Variants in PSMD13 observed in about 807,000 individuals in gnomAD.
The protein encoded by PSMD13 is proteasome 26S subunit, non-ATPase 13.
Under a neutral mutation model 57.4 loss-of-function variants are expected in PSMD13, and 8 were observed. The observed-to-expected ratio is 0.14, with a 90% confidence interval of 0.08 to 0.25. The LOEUF (loss-of-function observed/expected upper bound fraction) is 0.25. Ranked by LOEUF, PSMD13 falls within the 10% of genes least tolerant of loss-of-function variation. The pLI, the probability that PSMD13 is intolerant of heterozygous loss-of-function variation, is 1.00. For missense variants in PSMD13, 400 were observed against 461.5 expected (o/e 0.87, Z 1.22); for synonymous variants, 193 against 168.2 (o/e 1.15, Z -1.14).
At chr11:249,582 G>A (rs1421085918) in intron 9 of PSMD13, among the ~76,000 whole-genome samples, 3 of 94,658 alleles carry the variant, frequency 3.2e-5, no homozygotes, top group African/African-American at 3.2e-5. Flanking sequence ...GGGGGAGAGC[G>A]GCGGGTGCGG....
In PSMD13 at chr11:252,225, T is replaced by C. The variant is rs1859777543; in HGVS notation, c.1036-280T>C. ...ATCAGATACGTTCCTGGTTCTGTGA[T>C]TTGAGCTCACGTCGCTCTTACATTT... On this transcript the variant is annotated intron_variant, in intron 12 of 12. Transcript: ENST00000532097. This position sits in a 1 kb window ranked among gnomAD's most constrained non-coding sequence, Gnocchi z 4.1. 1.9e-6 allele frequency: 1 copy of C among 518,022 alleles called. No homozygotes were observed. The highest frequency in any genetic ancestry group is 3.5e-6 in the Non-Finnish European group (1 of 287,448). 32.1% of individuals were successfully genotyped at this position (518,022 alleles called of 1,614,324 possible). A position where few individuals can be genotyped will look rare whatever the true frequency, so the allele number is the denominator to read the frequency against.
At chr11:248,583 A>C in intron 7 of PSMD13, 193 bp from the exon 8 acceptor site, 1 of 585,562 alleles carries the variant, frequency 1.7e-6, no homozygotes, top group South Asian at 2.3e-5. Context: ...CCTCCCAAAA[A>C]ACCCATGTAT....
Position 247,316 on chromosome 11 carries a change from C to T in PSMD13, c.436C>T (p.Pro146Ser), listed in dbSNP as rs544270286. 4.3e-6 allele frequency: 7 copies of T among 1,613,930 alleles called. No homozygotes were observed. The highest frequency in any genetic ancestry group is 3.3e-5 in the South Asian group (3 of 91,006). The change falls in exon 7 of 13, where the codon CCT (proline) becomes TCT (serine). Residue 146 changes from proline to serine, a missense_variant. Physicochemically the swap from Pro to Ser is moderately conservative, Grantham distance 74 (BLOSUM62 -1). Coordinates refer to ENST00000532097, the MANE Select transcript of PSMD13 (RefSeq NM_002817.4). ...EDVEEMLNNLPGVTSVHSRFY... is the reference protein window; with the variant it reads ...EDVEEMLNNLSGVTSVHSRFY... Reference sequence around the variant, plus strand: ...TGTTGAAGAAATGCTCAACAACCTTCCTGGTGTGACATCGGTTCACAGTCG... The same window carrying T: ...TGTTGAAGAAATGCTCAACAACCTTTCTGGTGTGACATCGGTTCACAGTCG...
intron 1 of PSMD13, among the ~76,000 whole-genome samples, chr11:238,179 C>G (rs1479210149): frequency 6.6e-6 from 1 of 152,174 alleles, no homozygotes; most frequent in Non-Finnish European, 1.5e-5. Context: ...TCATCCTTTT[C>G]ACAGAGGAGG....
chr11:251,532 A>ATT lies in PSMD13; in HGVS notation c.838-14_838-13insTT. 1.2e-6 allele frequency: 2 copies of ATT among 1,600,316 alleles called. No individual in the cohort carries two copies. The highest frequency in any genetic ancestry group is 1.7e-6 in the Non-Finnish European group (2 of 1,169,448). ...GGAAAAATAGTTTAAAATAGTTAAT[A>ATT]AAATTTTTTCCAGATGACTTTCACA... On this transcript the variant is annotated splice_polypyrimidine_tract_variant and intron_variant, in intron 10 of 12. Transcript: ENST00000532097. The surrounding 1 kb of genome is among the most constrained non-coding windows in gnomAD (Gnocchi z 4.6).
chr11:245,647 T>TGTGTGG, intron 6 of PSMD13, among the ~76,000 whole-genome samples: 1 of 104,482 alleles, frequency 9.6e-6, no homozygotes, highest in Non-Finnish European at 1.9e-5. Context: ...AGAACGTGTG[T>TGTGTGG]GTGTGTGTGT....
In PSMD13 at chr11:247,290, A is replaced by G. The variant is rs1278539416; in HGVS notation, c.410A>G (p.Asp137Gly). The change falls in exon 7 of 13, where the codon GAT (aspartate) becomes GGT (glycine). Residue 137 changes from aspartate (D) to glycine (G), a missense_variant. By Grantham distance (94) the Asp-to-Gly change is moderately conservative. Transcript: ENST00000532097. ...DLQVTKETIE[D>G]VEEMLNNLPG... ...TCCTGTGTATAGGAAACAATTGAAGATGTTGAAGAAATGCTCAACAACCTT... is the reference window on the plus strand; with the variant it reads ...TCCTGTGTATAGGAAACAATTGAAGGTGTTGAAGAAATGCTCAACAACCTT... 5 of 1,612,222 alleles carry G rather than the reference A, an allele frequency of 3.1e-6. No individual in the cohort carries two copies. In the East Asian group the frequency reaches 6.7e-5, roughly 22 times the overall value.
At position 252,541 on chromosome 11, in the gene PSMD13, A is replaced by G. The variant is rs747186695; in HGVS notation, c.1072A>G (p.Thr358Ala). The G allele has an allele frequency of 1.9e-6, 3 of 1,614,064 alleles. No homozygotes were observed. In the South Asian group the frequency reaches 3.3e-5, roughly 18 times the overall value. The change falls in exon 13 of 13, where the codon ACG (threonine) becomes GCG (alanine). Residue 358 changes from threonine to alanine, a missense_variant. Coordinates refer to ENST00000532097, the MANE Select transcript of PSMD13 (RefSeq NM_002817.4). This position sits in a 1 kb window ranked among gnomAD's most constrained non-coding sequence, Gnocchi z 4.1. ...GAAGGACCGCCTGGAGTTCTGGTGC[A>G]CGGATGTGAAGAGCATGGAGATGCT... ...GMKDRLEFWC[T>A]DVKSMEMLVE...
chr11:249,042 T>A lies in PSMD13; in HGVS notation c.759T>A (p.Thr253=). ...GNVERFQTLK[T]AWGQQPDLAA... Reference sequence around the variant, plus strand: ...TAGAGCGGTTCCAGACTCTGAAGACTGCCTGGGGCCAGCAGGTAGGACTCC... The same window carrying A: ...TAGAGCGGTTCCAGACTCTGAAGACAGCCTGGGGCCAGCAGGTAGGACTCC... The change falls in exon 9 of 13, where the codon ACT becomes ACA. Residue 253 remains threonine, a synonymous_variant. Coordinates refer to ENST00000532097, the MANE Select transcript of PSMD13 (RefSeq NM_002817.4). 1 of 1,613,064 alleles carries A rather than the reference T, an allele frequency of 6.2e-7. No homozygotes were observed. The highest frequency in any genetic ancestry group is 8.5e-7 in the Non-Finnish European group (1 of 1,180,022).
rs755349084 is a variant in PSMD13 at position 244,659 on chromosome 11, G to C, written c.310-16G>C. 3 of 1,603,790 alleles carry C rather than the reference G, an allele frequency of 1.9e-6. No homozygotes were observed. The African/African-American group carries it at 4.0e-5, about 22-fold the overall frequency. ...CCACATTCTGAGGTTTCTTGTTTTT[G>C]TTTTTGATGTCTTAGGTGAAAAGTA... On this transcript the variant is annotated splice_polypyrimidine_tract_variant and intron_variant, in intron 5 of 12. Transcript: ENST00000532097.
At chr11:240,474 T>G (rs951223682) in intron 2 of PSMD13, among the ~76,000 whole-genome samples, 4 of 152,240 alleles carry the variant, frequency 2.6e-5, no homozygotes, top group African/African-American at 9.6e-5. Context: ...GATTCATAAT[T>G]GTTTATCTCT....
intron 2 of PSMD13, among the ~76,000 whole-genome samples, chr11:240,368 T>C (rs1859489335): frequency 1.3e-5 from 2 of 152,168 alleles, no homozygotes; most frequent in African/African-American, 4.8e-5. Flanking sequence ...TGCCTTGGCC[T>C]CCCAGAGTGC....
intron 1 of PSMD13, 98 bp from the exon 2 acceptor site, chr11:238,900 T>C (rs932301301): frequency 5.0e-6 from 6 of 1,195,030 alleles, no homozygotes; most frequent in African/African-American, 4.5e-5. Context: ...GGATTAGAGA[T>C]ACCCAACCTG....
At chr11:245,678 GTGTTTGCATGTGTGTTCGTGTGTT>G (rs1859626315) in intron 6 of PSMD13, among the ~76,000 whole-genome samples, 1 of 120,588 alleles carries the variant, frequency 8.3e-6, no homozygotes. Context: ...GTGTGTGTGT[GTGTTTGCATGTGTGTTCGTGTGTT>G]TGTGTGTGTT....
Position 240,213 on chromosome 11 carries a change from G to A in PSMD13, c.174+1137G>A, listed in dbSNP as rs140773292. ...CAACTTCCACCTCCCGAGTTCAAGC[G>A]ATTCTTCTGCCTCAGCGTCCCAAGT... On this transcript the variant is annotated intron_variant, in intron 2 of 12. Coordinates refer to ENST00000532097, the MANE Select transcript of PSMD13 (RefSeq NM_002817.4). 8.4e-3 allele frequency among the ~76,000 whole-genome samples: 1,201 copies of A among 143,020 alleles called. 14 individuals carry two copies. The highest frequency in any genetic ancestry group is 0.029 in the African/African-American group (1,149 of 39,120). The allele number at this position is 143,020 out of a possible 152,430, so 93.8% of individuals were successfully genotyped here. A position where few individuals can be genotyped will look rare whatever the true frequency, so the allele number is the denominator to read the frequency against.
chr11:248,725 A>T (rs1255512347), intron 7 of PSMD13, 51 bp from the exon 8 acceptor site: 1 of 1,544,144 alleles, frequency 6.5e-7, no homozygotes, highest in African/African-American at 1.4e-5. Context: ...AAAGCTAAAC[A>T]GGACTGATTA....
chr11:243,172 G>A, intron 2 of PSMD13: 1 of 620,490 alleles, frequency 1.6e-6, no homozygotes, highest in Non-Finnish European at 3.2e-6. Context: ...GTTTTTTTGT[G>A]TCCTTGTTTT....
intron 8 of PSMD13, 21 bp from the exon 9 acceptor site, chr11:248,911 T>C: frequency 1.2e-6 from 2 of 1,614,152 alleles, no homozygotes; most frequent in Non-Finnish European, 1.7e-6. Context: ...TGTTACTAGC[T>C]GACCATCTCC....
intron 1 of PSMD13, among the ~76,000 whole-genome samples, chr11:237,543 C>T (rs1023559759): frequency 2.0e-5 from 3 of 152,224 alleles, no homozygotes; most frequent in African/African-American, 7.2e-5. Flanking sequence ...CTTTGGGAAA[C>T]ATGTTGGTGA....
Sources: allele counts gnomAD v4.1 joint callset (sites outside exome capture counted in the v4.1 genomes callset), GRCh38; gene constraint gnomAD v4.1.1; non-coding constraint Gnocchi (gnomAD v3.1); transcripts MANE v1.5; gene names NCBI Gene and HGNC (gene_info 2026-07-23, HGNC 2026-07-21).